The following ZNF407 variants were observed in gnomAD, a reference collection of about 807,000 sequenced individuals.
The protein encoded by ZNF407 is zinc finger protein 407.
ZNF407 carries 17 observed loss-of-function variants against 131.2 expected under a neutral mutation model. The ratio of observed to expected loss-of-function variants is 0.13; its 90% CI spans 0.09 to 0.19. The LOEUF (loss-of-function observed/expected upper bound fraction) is 0.19. Ranked by LOEUF, ZNF407 falls within the 10% of genes least tolerant of loss-of-function variation. The probability of loss-of-function intolerance (pLI) is 1.00; values close to 1 mark genes in which losing one functional copy is unlikely to be tolerated. For synonymous variants in ZNF407, 1,156 were observed against 1,062.0 expected (o/e 1.09, Z -1.72); for missense variants, 2,681 against 2,830.6 (o/e 0.95, Z 1.20).
intron 4 of ZNF407, among the ~76,000 whole-genome samples, chr18:74,844,301 A>G (rs558698334): frequency 5.4e-4 from 82 of 152,200 alleles, no homozygotes; most frequent in African/African-American, 2.0e-3. Context: ...GAGCTGGAGC[A>G]CCCTTGAGCA....
intron 1 of ZNF407, among the ~76,000 whole-genome samples, chr18:74,612,498 TGATGGA>T (rs1308577087): frequency 6.6e-6 from 1 of 152,210 alleles, no homozygotes; most frequent in Non-Finnish European, 1.5e-5. Context: ...GAAAAAGATT[TGATGGA>T]GATGGAGAGA....
chr18:74,773,376 G>A (rs1969401089), intron 3 of ZNF407, among the ~76,000 whole-genome samples: 1 of 140,762 alleles, frequency 7.1e-6, no homozygotes, highest in Non-Finnish European at 1.5e-5. Flanking sequence ...TTACTAGAGA[G>A]CTTAAAGAAG....
At chr18:74,722,649 G>C (rs951501122) in intron 3 of ZNF407, among the ~76,000 whole-genome samples, 1 of 152,122 alleles carries the variant, frequency 6.6e-6, no homozygotes, top group Non-Finnish European at 1.5e-5. Flanking sequence ...GTTGGTGGAG[G>C]GAACTGTAAC....
intron 3 of ZNF407, among the ~76,000 whole-genome samples, chr18:74,670,173 G>T (rs1428450347): frequency 6.6e-6 from 1 of 152,196 alleles, no homozygotes; most frequent in African/African-American, 2.4e-5. Flanking sequence ...CTGACAGTTG[G>T]ACTGGATGAC....
chr18:74,831,001 G>A (rs1232051471), intron 4 of ZNF407, among the ~76,000 whole-genome samples: 1 of 152,028 alleles, frequency 6.6e-6, no homozygotes, highest in African/African-American at 2.4e-5. Context: ...CTTCCACATA[G>A]GAGTGAGAAC....
intron 3 of ZNF407, among the ~76,000 whole-genome samples, chr18:74,720,307 T>C (rs919137104): frequency 6.6e-6 from 1 of 152,032 alleles, no homozygotes; most frequent in African/African-American, 2.4e-5. Context: ...GGCCATTCAT[T>C]AAAATGTCTG....
intron 1 of ZNF407, among the ~76,000 whole-genome samples, chr18:74,617,655 G>A (rs1219622589): frequency 6.6e-6 from 1 of 152,116 alleles, no homozygotes; most frequent in Non-Finnish European, 1.5e-5. Flanking sequence ...GTGATGTCAT[G>A]CCCTTCTCAG....
chr18:74,761,166 C>G (rs772197045), intron 3 of ZNF407, among the ~76,000 whole-genome samples: 7 of 151,678 alleles, frequency 4.6e-5, no homozygotes, highest in Non-Finnish European at 8.8e-5. Flanking sequence ...TATTGGAGTA[C>G]TATATTGATC....
At chr18:75,019,459 G>A (rs1162247617) in intron 8 of ZNF407, among the ~76,000 whole-genome samples, 2 of 152,092 alleles carry the variant, frequency 1.3e-5, no homozygotes, top group African/African-American at 2.4e-5. Context: ...TTCAAACATA[G>A]TAAATGGAAA....
intron 8 of ZNF407, among the ~76,000 whole-genome samples, chr18:75,046,486 C>T (rs1051356195): frequency 6.6e-6 from 1 of 152,158 alleles, no homozygotes; most frequent in Non-Finnish European, 1.5e-5. Context: ...CTTTTACTGC[C>T]TTATATTGTG....
chr18:75,035,925 G>C (rs1973302959), intron 8 of ZNF407, among the ~76,000 whole-genome samples: 1 of 152,208 alleles, frequency 6.6e-6, no homozygotes, highest in Non-Finnish European at 1.5e-5. Flanking sequence ...TTATTGCATA[G>C]GTTATACAAA....
chr18:75,052,955 C>T (rs186414491), intron 8 of ZNF407, among the ~76,000 whole-genome samples: 1 of 152,302 alleles, frequency 6.6e-6, no homozygotes, highest in African/African-American at 2.4e-5. Flanking sequence ...AATAGTGTTG[C>T]CTGTTTAACA....
At chr18:74,777,412 C>G (rs1034041531) in intron 3 of ZNF407, among the ~76,000 whole-genome samples, 3 of 152,070 alleles carry the variant, frequency 2.0e-5, no homozygotes, top group African/African-American at 7.2e-5. Flanking sequence ...ATGACTTGAG[C>G]AAGAGCAGTT....
intron 4 of ZNF407, among the ~76,000 whole-genome samples, chr18:74,853,151 A>G (rs11875902): frequency 0.019 from 2,904 of 152,298 alleles, 89 homozygotes; most frequent in African/African-American, 0.063. Flanking sequence ...ACTAGATTAG[A>G]ATGGCTTTTA....
chr18:74,714,883 T>G (rs530493325), intron 3 of ZNF407, among the ~76,000 whole-genome samples: 5 of 152,196 alleles, frequency 3.3e-5, no homozygotes, highest in African/African-American at 1.2e-4. Context: ...TGGTAAATTT[T>G]TTTTGCTTTT....
intron 8 of ZNF407, among the ~76,000 whole-genome samples, chr18:75,059,827 G>A (rs1973603883): frequency 6.6e-6 from 1 of 152,162 alleles, no homozygotes; most frequent in African/African-American, 2.4e-5. Context: ...GACAGGCAGC[G>A]ATTCGGCCCC....
intron 8 of ZNF407, among the ~76,000 whole-genome samples, chr18:75,012,629 C>G (rs972463006): frequency 5.9e-5 from 9 of 151,590 alleles, no homozygotes; most frequent in Non-Finnish European, 1.2e-4. Flanking sequence ...CCCCGTAATT[C>G]AACCCATCAC....
At chr18:74,692,712 T>TTTC (rs1357968105) in intron 3 of ZNF407, among the ~76,000 whole-genome samples, 4 of 152,132 alleles carry the variant, frequency 2.6e-5, no homozygotes, top group Admixed American at 2.6e-4. Context: ...TAGAGGGTGT[T>TTTC]TTCTTCTTCT....
At chr18:74,737,216 G>T (rs961038320) in intron 3 of ZNF407, among the ~76,000 whole-genome samples, 2 of 152,116 alleles carry the variant, frequency 1.3e-5, no homozygotes, top group Non-Finnish European at 2.9e-5. Flanking sequence ...TGTTTTTAGA[G>T]AAGTTTTGTT....
Sources: gnomAD v4.1 joint callset for allele counts (sites outside exome capture counted in the v4.1 genomes callset) on GRCh38, gnomAD v4.1.1 for gene constraint, MANE v1.5 for transcripts, NCBI Gene and HGNC (gene_info 2026-07-23, HGNC 2026-07-21) for gene names.